Variants in KCNT2 observed in about 807,000 individuals in gnomAD.
KCNT2 encodes the protein potassium sodium-activated channel subfamily T member 2, also known as potassium channel subfamily T member 2.
A neutral mutation model predicts 153.8 loss-of-function variants in KCNT2; 67 were observed. That is an observed-to-expected ratio of 0.44 (90% CI 0.36 to 0.53). The LOEUF (loss-of-function observed/expected upper bound fraction) is 0.53, where lower values mean the gene tolerates loss of function less well. KCNT2 is among the 20% of genes least tolerant of loss of function. The probability of loss-of-function intolerance (pLI) is 0.00; values close to 1 mark genes in which losing one functional copy is unlikely to be tolerated. For missense variants in KCNT2, 975 were observed against 1,354.8 expected, an observed-to-expected ratio of 0.72 and a Z score of 4.40; for synonymous variants, 500 against 458.8, an observed-to-expected ratio of 1.09 and a Z score of -1.15.
At chr1:196,391,808 T>C (rs945881379) in intron 13 of KCNT2, among the ~76,000 whole-genome samples, 2 of 151,338 alleles carry the variant, frequency 1.3e-5, no homozygotes, top group East Asian at 3.9e-4. Flanking sequence ...ATGTAGAGGG[T>C]ATATAGAACT....
At chr1:196,247,821 A>T (rs111817994) in intron 26 of KCNT2, among the ~76,000 whole-genome samples, 1 of 152,132 alleles carries the variant, frequency 6.6e-6, no homozygotes, top group East Asian at 1.9e-4. Context: ...TCCATATTAC[A>T]TTTCATCCAA....
intron 1 of KCNT2, among the ~76,000 whole-genome samples, chr1:196,559,465 C>T (rs1659102496): frequency 6.6e-6 from 1 of 151,594 alleles, no homozygotes; most frequent in South Asian, 2.1e-4. Context: ...CAGATACGTT[C>T]TTAGGGTAGA....
chr1:196,377,172 A>G (rs2148349414), intron 13 of KCNT2, among the ~76,000 whole-genome samples: 1 of 152,092 alleles, frequency 6.6e-6, no homozygotes, highest in Admixed American at 6.6e-5. Flanking sequence ...TGAGCTGAGC[A>G]AGAACACTGA....
intron 18 of KCNT2, among the ~76,000 whole-genome samples, chr1:196,328,709 A>T (rs1664134079): frequency 6.6e-6 from 1 of 151,898 alleles, no homozygotes; most frequent in Admixed American, 6.6e-5. Flanking sequence ...CAAGAATGAG[A>T]CCAAAATAAA....
chr1:196,384,637 AG>A (rs1669799174), intron 13 of KCNT2, among the ~76,000 whole-genome samples: 1 of 150,350 alleles, frequency 6.7e-6, no homozygotes, highest in Non-Finnish European at 1.5e-5. Context: ...CAGGAGGCGA[AG>A]GTTGCAGTGA....
chr1:196,252,782 T>C (rs747034601), intron 26 of KCNT2, among the ~76,000 whole-genome samples: 26 of 151,516 alleles, frequency 1.7e-4, no homozygotes, highest in Non-Finnish European at 3.1e-4. Flanking sequence ...CATTTGTTTG[T>C]CTAAAAATAT....
intron 15 of KCNT2, among the ~76,000 whole-genome samples, chr1:196,341,247 G>A (rs1314263353): frequency 6.6e-6 from 1 of 151,858 alleles, no homozygotes; most frequent in Non-Finnish European, 1.5e-5. Flanking sequence ...CACTTACATT[G>A]CCTACAGTTG....
chr1:196,470,883 T>C (rs867243147), intron 5 of KCNT2, among the ~76,000 whole-genome samples: 2,782 of 135,920 alleles, frequency 0.02, 30 homozygotes, highest in South Asian at 0.072. Flanking sequence ...TTTCTTTTTT[T>C]TTTTTTTTTT....
chr1:196,256,488 A>T (rs1034108975), intron 26 of KCNT2, among the ~76,000 whole-genome samples: 2 of 152,016 alleles, frequency 1.3e-5, no homozygotes, highest in African/African-American at 4.8e-5. Context: ...GATATTAGTG[A>T]CAACTTGTAT....
At chr1:196,435,143 A>ATG (rs1674526562) in intron 8 of KCNT2, among the ~76,000 whole-genome samples, 1 of 87,826 alleles carries the variant, frequency 1.1e-5, no homozygotes, top group Non-Finnish European at 2.4e-5. Context: ...GTGTATGTAT[A>ATG]TATATATATA....
intron 13 of KCNT2, among the ~76,000 whole-genome samples, chr1:196,395,782 A>T (rs1359792786): frequency 6.6e-6 from 1 of 151,672 alleles, no homozygotes; most frequent in East Asian, 1.9e-4. Flanking sequence ...CTTACTTTTT[A>T]AACATAAATT....
chr1:196,355,118 A>G (rs1182102057), intron 14 of KCNT2, among the ~76,000 whole-genome samples: 1 of 151,770 alleles, frequency 6.6e-6, no homozygotes, highest in East Asian at 1.9e-4. Context: ...ACTATGTATT[A>G]TATGAACATT....
intron 1 of KCNT2, among the ~76,000 whole-genome samples, chr1:196,585,284 C>T (rs1662537453): frequency 6.6e-6 from 1 of 152,092 alleles, no homozygotes; most frequent in Non-Finnish European, 1.5e-5. Context: ...CAATCCTGTT[C>T]TGTGTCAAAC....
intron 1 of KCNT2, among the ~76,000 whole-genome samples, chr1:196,596,992 C>T (rs1664161390): frequency 6.6e-6 from 1 of 152,098 alleles, no homozygotes; most frequent in Admixed American, 6.6e-5. Flanking sequence ...GAGCCACCCA[C>T]CCAGCCCTTA....
intron 8 of KCNT2, among the ~76,000 whole-genome samples, chr1:196,445,404 G>A (rs1675602341): frequency 6.6e-6 from 1 of 151,238 alleles, no homozygotes; most frequent in Non-Finnish European, 1.5e-5. Flanking sequence ...ATTAAATGAG[G>A]CACAAAATAA....
chr1:196,352,974 A>C (rs1416868864), intron 14 of KCNT2, among the ~76,000 whole-genome samples: 1 of 152,074 alleles, frequency 6.6e-6, no homozygotes, highest in East Asian at 1.9e-4. Context: ...GTAGTCATTC[A>C]GGAGCAGGTT....
intron 10 of KCNT2, among the ~76,000 whole-genome samples, chr1:196,426,240 AAGGGAAGGTAATC>A (rs1309316506): frequency 2.0e-5 from 3 of 152,004 alleles, no homozygotes; most frequent in Non-Finnish European, 4.4e-5. Flanking sequence ...CTAAGACCAT[AAGGGAAGGTAATC>A]AGTGGTTATA....
intron 22 of KCNT2, among the ~76,000 whole-genome samples, chr1:196,286,878 T>C (rs1375028144): frequency 6.6e-6 from 1 of 152,098 alleles, no homozygotes; most frequent in East Asian, 1.9e-4. Context: ...GTTTCTTTTG[T>C]TGACAAATTC....
At chr1:196,427,156 AC>A (rs1223025498) in intron 10 of KCNT2, among the ~76,000 whole-genome samples, 6 of 151,954 alleles carry the variant, frequency 3.9e-5, no homozygotes, top group African/African-American at 1.5e-4. Flanking sequence ...AATTAAAAAA[AC>A]AAGTATGGAG....
Sources: allele counts gnomAD v4.1 joint callset (sites outside exome capture counted in the v4.1 genomes callset), GRCh38; gene constraint gnomAD v4.1.1; transcripts MANE v1.5; gene names NCBI Gene and HGNC (gene_info 2026-07-23, HGNC 2026-07-21).